The following GTPBP8 variants were observed in gnomAD, a reference collection of about 807,000 sequenced individuals.
GTPBP8 encodes GTP binding protein 8, also known as GTP-binding protein 8.
Under a neutral mutation model 27.3 loss-of-function variants are expected in GTPBP8, and 21 were observed. That is an observed-to-expected ratio of 0.77 (90% CI 0.55 to 1.11). GTPBP8 has a LOEUF of 1.11. Ranked by LOEUF, GTPBP8 falls within the 50% of genes least tolerant of loss-of-function variation. The pLI, the probability that GTPBP8 is intolerant of heterozygous loss-of-function variation, is 0.00. For missense variants in GTPBP8, 380 were observed against 350.8 expected, an observed-to-expected ratio of 1.08 and a Z score of -0.67; for synonymous variants, 147 against 135.3, an observed-to-expected ratio of 1.09 and a Z score of -0.60.
At position 113,000,656 on chromosome 3, in the gene GTPBP8, T is replaced by A. The variant is rs189416109; in HGVS notation, c.786-194T>A. On this transcript the variant is annotated intron_variant, in intron 5 of 5. Coordinates refer to ENST00000383678, the MANE Select transcript of GTPBP8 (RefSeq NM_014170.4). ...TTTTTGGAATCATGAAGGAAATGGA[T>A]CAGATAATATTGATCATCAGATTTT... Among the ~76,000 whole-genome samples, 5 of 152,220 alleles carry A rather than the reference T, an allele frequency of 3.3e-5. No individual in the cohort carries two copies. The East Asian group carries it at 9.6e-4, about 29-fold the overall frequency.
chr3:112,992,149 A>C (rs1349788669), intron 1 of GTPBP8: 1 of 152,222 alleles, frequency 6.6e-6, no homozygotes, highest in Non-Finnish European at 1.5e-5. Flanking sequence ...AAATTACTGG[A>C]CTTTTTTGTA....
In GTPBP8 at chr3:112,996,861, G is replaced by C. The variant is rs751005374; in HGVS notation, c.567-31G>C. 4 of 920,468 alleles carry C rather than the reference G, an allele frequency of 4.3e-6. No individual in the cohort carries two copies. The South Asian group carries it at 5.2e-5, about 12-fold the overall frequency. The allele number at this position is 920,468 out of a possible 1,614,324, so 57.0% of individuals were successfully genotyped here. ...TAAATGAATGGGTATATTTTATATT[G>C]CCATTAATCTTCTTTTCTACATGCT... On this transcript the variant is annotated intron_variant, in intron 3 of 5. Transcript: ENST00000383678.
intron 5 of GTPBP8, 44 bp downstream of exon 5, chr3:112,999,608 C>T: frequency 2.6e-6 from 2 of 769,400 alleles, no homozygotes; most frequent in Non-Finnish European, 2.2e-6. Context: ...ATGAAGTAAT[C>T]TTGAGAATGT....
chr3:112,991,013 G>T lies in GTPBP8; in HGVS notation c.14G>T (p.Gly5Val), dbSNP rs757577105. 2.5e-6 allele frequency: 4 copies of T among 1,595,040 alleles called. No individual in the cohort carries two copies. The highest frequency in any genetic ancestry group is 1.7e-6 in the Non-Finnish European group (2 of 1,167,422). The change falls in exon 1 of 6, where the codon GGG becomes GTG. Residue 5 changes from glycine to valine, a missense_variant. Physicochemically the swap from Gly to Val is moderately radical, Grantham distance 109 (BLOSUM62 -3). Transcript: ENST00000383678. Reference sequence around the variant, plus strand: ...TGGGAAGGGAGAATGGCGGCGCCCGGGCTGCGGCTGGGAGCGGGAAGACTC... The same window carrying T: ...TGGGAAGGGAGAATGGCGGCGCCCGTGCTGCGGCTGGGAGCGGGAAGACTC... MAAP[G>V]LRLGAGRLFE...
intron 3 of GTPBP8, among the ~76,000 whole-genome samples, chr3:112,996,288 A>C (rs1933785320): frequency 6.7e-6 from 1 of 149,934 alleles, no homozygotes; most frequent in African/African-American, 2.5e-5. Context: ...CAAAACCTCA[A>C]CTCTACTAAA....
At chr3:112,997,308 AAGTT>A (rs1456011448) in intron 4 of GTPBP8, among the ~76,000 whole-genome samples, 2 of 152,208 alleles carry the variant, frequency 1.3e-5, no homozygotes, top group Admixed American at 6.5e-5. Context: ...TGTTCAGAAA[AAGTT>A]AGTAGCTCTT....
intron 2 of GTPBP8, 53 bp from the exon 3 acceptor site, chr3:112,995,082 T>G (rs1933757569): frequency 3.0e-6 from 4 of 1,329,916 alleles, no homozygotes; most frequent in Non-Finnish European, 4.2e-6. Flanking sequence ...AATCATTAAC[T>G]AGATGGAGGA....
intron 4 of GTPBP8, among the ~76,000 whole-genome samples, chr3:112,997,451 T>A (rs1227774322): frequency 6.6e-6 from 1 of 152,194 alleles, no homozygotes; most frequent in Non-Finnish European, 1.5e-5. Flanking sequence ...ACAAGTAGGA[T>A]TTTTATATTT....
At position 112,993,124 on chromosome 3, in the gene GTPBP8, A is replaced by C; in HGVS notation, c.435A>C (p.Pro145=). The C allele has an allele frequency of 6.7e-7, 1 of 1,498,404 alleles. No individual in the cohort carries two copies. The highest frequency in any genetic ancestry group is 9.3e-7 in the Non-Finnish European group (1 of 1,076,724). 92.8% of individuals were successfully genotyped at this position (1,498,404 alleles called of 1,614,324 possible). ...PEVEVRVSKK[P]GHTKKMNFFK... Reference sequence around the variant, plus strand: ...TTGAAGTCAGAGTCTCCAAAAAACCAGTATGTTGAAGTTTTTAAATATGTT... The same window carrying C: ...TTGAAGTCAGAGTCTCCAAAAAACCCGTATGTTGAAGTTTTTAAATATGTT... The change falls in exon 2 of 6, where the codon CCA becomes CCC. Residue 145 remains proline, a splice_region_variant and synonymous_variant. Coordinates refer to ENST00000383678, the MANE Select transcript of GTPBP8 (RefSeq NM_014170.4).
chr3:112,991,647 T>C, intron 1 of GTPBP8: 1 of 541,996 alleles, frequency 1.8e-6, no homozygotes, highest in Non-Finnish European at 3.4e-6. Flanking sequence ...ATAGAAGACT[T>C]CAAAATGCTT....
At position 112,999,737 on chromosome 3, in the gene GTPBP8, G is replaced by T. The variant is rs116958511; in HGVS notation, c.785+173G>T. Among the ~76,000 whole-genome samples the T allele has an allele frequency of 0.011, 1,615 of 152,206 alleles. 101 individuals carry two copies. In the East Asian group the frequency reaches 0.18, roughly 17 times the overall value. On this transcript the variant is annotated intron_variant, in intron 5 of 5. Transcript: ENST00000383678. ...ACCCATCACCTGAGCAGTGTACACT[G>T]TACCCTATGTGTAGTCTTTTTTCGC...
chr3:112,996,827 A>G lies in GTPBP8; in HGVS notation c.567-65A>G, dbSNP rs892439645. 59 of 762,262 alleles carry G rather than the reference A, an allele frequency of 7.7e-5. No individual in the cohort carries two copies. In the Admixed American group the frequency reaches 1.1e-3, roughly 14 times the overall value. The allele number at this position is 762,262 out of a possible 1,614,324, so 47.2% of individuals were successfully genotyped here. On this transcript the variant is annotated intron_variant, in intron 3 of 5. Coordinates refer to ENST00000383678, the MANE Select transcript of GTPBP8 (RefSeq NM_014170.4). ...AGAAGAATTTCTTAGTACAGTAAGG[A>G]AGAGGGGATAAATGAATGGGTATAT...
rs771709711 is a variant in GTPBP8 at position 112,990,984 on chromosome 3, C to T, written c.-16C>T. Reference sequence around the variant, plus strand: ...ACAGGAGTAAAATCTCTCTGCCCGTCTTCTGGGAAGGGAGAATGGCGGCGC... The same window carrying T: ...ACAGGAGTAAAATCTCTCTGCCCGTTTTCTGGGAAGGGAGAATGGCGGCGC... On this transcript the variant is annotated 5_prime_UTR_variant, in exon 1 of 6. Transcript: ENST00000383678. 1.3e-6 allele frequency: 2 copies of T among 1,570,012 alleles called. No homozygotes were observed. The highest frequency in any genetic ancestry group is 1.8e-5 in the Admixed American group (1 of 55,202).
chr3:112,996,209 A>G (rs1933783652), intron 3 of GTPBP8, among the ~76,000 whole-genome samples: 1 of 152,158 alleles, frequency 6.6e-6, no homozygotes, highest in African/African-American at 2.4e-5. Flanking sequence ...CTGTAATCTC[A>G]GCACTTTGGG....
intron 5 of GTPBP8, among the ~76,000 whole-genome samples, chr3:113,000,619 G>GAT (rs1364580177): frequency 6.6e-6 from 1 of 152,016 alleles, no homozygotes; most frequent in Non-Finnish European, 1.5e-5. Context: ...CAAAATAGAA[G>GAT]ATATAGTGAA....
At chr3:112,991,421 G>A (rs1297599542) in intron 1 of GTPBP8, 86 bp downstream of exon 1, 1 of 1,256,482 alleles carries the variant, frequency 8.0e-7, no homozygotes, top group South Asian at 1.2e-5. Context: ...GGGTGATTTT[G>A]CGGTTGTATT....
intron 2 of GTPBP8, among the ~76,000 whole-genome samples, chr3:112,993,872 T>C (rs1476153384): frequency 6.6e-6 from 1 of 152,168 alleles, no homozygotes; most frequent in African/African-American, 2.4e-5. Flanking sequence ...TTCTTCCCAT[T>C]ACTTAACCCT....
chr3:112,996,821 G>A (rs1052492103), intron 3 of GTPBP8, 71 bp from the exon 4 acceptor site: 4 of 744,470 alleles, frequency 5.4e-6, no homozygotes, highest in African/African-American at 5.3e-5. Context: ...TCTTAGTACA[G>A]TAAGGAAGAG....
Position 113,001,014 on chromosome 3 carries a change from T to A in GTPBP8, c.*95T>A. ...AGAAGAATTTCAACATTGTTTTAAA[T>A]GTTGTGCATCTGTAACTTCAGGAGG... On this transcript the variant is annotated 3_prime_UTR_variant, in exon 6 of 6. Transcript: ENST00000383678. The A allele has an allele frequency of 1.4e-6, 1 of 729,008 alleles. No individual in the cohort carries two copies. Among genetic ancestry groups the A allele is most frequent in the South Asian group, 1.7e-5 (1 of 58,756 alleles). 45.2% of individuals were successfully genotyped at this position (729,008 alleles called of 1,614,324 possible). A position where few individuals can be genotyped will look rare whatever the true frequency, so the allele number is the denominator to read the frequency against.
Sources: gnomAD v4.1 joint callset for allele counts (sites outside exome capture counted in the v4.1 genomes callset) on GRCh38, gnomAD v4.1.1 for gene constraint, MANE v1.5 for transcripts, NCBI Gene and HGNC (gene_info 2026-07-23, HGNC 2026-07-21) for gene names.